The following LAMA4 variants were observed in gnomAD, a reference collection of about 807,000 sequenced individuals.
The protein encoded by LAMA4 is laminin subunit alpha 4.
A neutral mutation model predicts 207.1 loss-of-function variants in LAMA4; 127 were observed. The observed-to-expected ratio is 0.61, with a 90% confidence interval of 0.53 to 0.71. The LOEUF (loss-of-function observed/expected upper bound fraction) is 0.71. Among genes scored for constraint, LAMA4 ranks in the 30% least tolerant of loss-of-function variants. The pLI, the probability that LAMA4 is intolerant of heterozygous loss-of-function variation, is 0.00. For missense variants in LAMA4, 2,093 were observed against 2,246.5 expected (o/e 0.93, Z 1.38); for synonymous variants, 761 against 816.0 (o/e 0.93, Z 1.15).
intron 2 of LAMA4, 146 bp from the exon 3 acceptor site, chr6:112,216,615 A>G: frequency 1.5e-6 from 1 of 683,462 alleles, no homozygotes; most frequent in Non-Finnish European, 2.7e-6. Flanking sequence ...AAAACATACT[A>G]AAATAAACTA....
At chr6:112,216,689 C>T (rs1270172558) in intron 2 of LAMA4, 6 of 541,230 alleles carry the variant, frequency 1.1e-5, no homozygotes, top group Non-Finnish European at 2.0e-5. Flanking sequence ...AACTTTTTCC[C>T]TCCTTTCACT....
At position 112,118,718 on chromosome 6, in the gene LAMA4, T is replaced by C. The variant is rs990142616; in HGVS notation, c.4821+438A>G. Among the ~76,000 whole-genome samples, 1 of 103,046 alleles carries C rather than the reference T, an allele frequency of 9.7e-6. No homozygotes were observed. Among genetic ancestry groups the C allele is most frequent in the Non-Finnish European group, 1.9e-5 (1 of 51,370 alleles). The allele number at this position is 103,046 out of a possible 152,430, so 67.6% of individuals were successfully genotyped here. On this transcript the variant is annotated intron_variant, in intron 34 of 38. Transcript: ENST00000230538. The surrounding 1 kb of genome is among the most constrained non-coding windows in gnomAD (Gnocchi z 4.6). ...CATTTACAAATTGTGTGTGTGTGTG[T>C]GTATGTGTGTGTGTGTGTGTGTGTG...
intron 2 of LAMA4, among the ~76,000 whole-genome samples, chr6:112,226,085 ACTATTTAGTTCAGGATC>A (rs1785192559): frequency 6.6e-6 from 1 of 151,678 alleles, no homozygotes; most frequent in African/African-American, 2.4e-5. Flanking sequence ...TCCCAATACC[ACTATTTAGTTCAGGATC>A]TTGGTGTTTC....
At chr6:112,172,219 A>G (rs534086477) in intron 12 of LAMA4, 116 of 245,054 alleles carry the variant, frequency 4.7e-4, no homozygotes, top group Admixed American at 4.1e-3. Context: ...CTGACCAGCC[A>G]GACTGTGAGA....
At chr6:112,126,100 T>C (rs1209473032) in intron 31 of LAMA4, among the ~76,000 whole-genome samples, 6 of 152,228 alleles carry the variant, frequency 3.9e-5, no homozygotes, top group Non-Finnish European at 8.8e-5. Context: ...GTTAACAAGT[T>C]TCCTATAATA....
Position 112,248,092 on chromosome 6 carries a change from G to A in LAMA4, c.195+5864C>T, listed in dbSNP as rs975371757. On this transcript the variant is annotated intron_variant, in intron 2 of 38. Transcript: ENST00000230538. The stretch of plus-strand genomic sequence containing the variant: ...CAGGGGCTGGAGGAAGGAGTTAATC[G>A]GAAGTTATCATTTAATGGGTTTCAG... Among the ~76,000 whole-genome samples, 5 of 152,164 alleles carry A rather than the reference G, an allele frequency of 3.3e-5. No individual in the cohort carries two copies. The South Asian group carries it at 1.0e-3, about 32-fold the overall frequency.
chr6:112,110,582 C>T (rs1435201681), intron 38 of LAMA4, among the ~76,000 whole-genome samples: 1 of 152,076 alleles, frequency 6.6e-6, no homozygotes, highest in African/African-American at 2.4e-5. Flanking sequence ...TTGGAAGGGG[C>T]CTGAGAGATC....
At chr6:112,115,006 A>C (rs587770536) in intron 36 of LAMA4, among the ~76,000 whole-genome samples, 1 of 152,302 alleles carries the variant, frequency 6.6e-6, no homozygotes, top group African/African-American at 2.4e-5. Flanking sequence ...AAATAGAATA[A>C]ATCCCTTTAA....
intron 31 of LAMA4, among the ~76,000 whole-genome samples, chr6:112,125,674 C>T (rs969139): frequency 0.46 from 69,960 of 152,050 alleles, 16,617 homozygotes; most frequent in South Asian, 0.68. Flanking sequence ...AAGCAATTTG[C>T]CTTGATTCAG....
In LAMA4 at chr6:112,120,347, T is replaced by C. The variant is rs782057429; in HGVS notation, c.4601A>G (p.Asn1534Ser). ...AATCTTCAGTTTTTTGTGACCAACA[T>C]TAAACATGTAAACCAAGCGGCCATG... ...LAHGRLVYMF[N>S]VGHKKLKIRS... The change falls in exon 33 of 39, where the codon AAT (asparagine) becomes AGT (serine). Residue 1534 changes from asparagine (N) to serine (S), a missense_variant. Asn to Ser is a conservative substitution (Grantham distance 46). This residue lies in a region of LAMA4 where 383 missense variants were observed against 437.8 expected (regional missense o/e 0.87). Transcript: ENST00000230538. 1.1e-5 allele frequency: 17 copies of C among 1,613,946 alleles called. No individual in the cohort carries two copies. Among genetic ancestry groups the C allele is most frequent in the Non-Finnish European group, 1.4e-5 (17 of 1,179,992 alleles).
chr6:112,134,873 A>ATTGT (rs1342545798), intron 25 of LAMA4, among the ~76,000 whole-genome samples: 3 of 152,060 alleles, frequency 2.0e-5, no homozygotes, highest in African/African-American at 7.2e-5. Flanking sequence ...GATTAGACCT[A>ATTGT]TTGTTTCCTC....
intron 7 of LAMA4, among the ~76,000 whole-genome samples, chr6:112,187,938 G>A (rs182152110): frequency 1.3e-5 from 2 of 152,264 alleles, no homozygotes; most frequent in South Asian, 2.1e-4. Context: ...TGAGGTTATC[G>A]CTGCGAGAGT....
At chr6:112,205,934 G>A (rs141289606) in intron 4 of LAMA4, among the ~76,000 whole-genome samples, 1 of 152,162 alleles carries the variant, frequency 6.6e-6, no homozygotes, top group Admixed American at 6.5e-5. Context: ...GGGGGCTTCC[G>A]GTTGGTGACA....
At chr6:112,120,517 G>A (rs781872757) in intron 32 of LAMA4, 45 bp from the exon 33 acceptor site, 1 of 1,424,762 alleles carries the variant, frequency 7.0e-7, no homozygotes, top group Non-Finnish European at 9.9e-7. Context: ...AAATGAGACT[G>A]AGGATAATCT....
intron 13 of LAMA4, among the ~76,000 whole-genome samples, chr6:112,163,336 T>A (rs1320674201): frequency 6.7e-6 from 1 of 149,626 alleles, no homozygotes; most frequent in African/African-American, 2.5e-5. Flanking sequence ...TAAAAAAAAA[T>A]TAAAAACAAA....
At chr6:112,191,590 G>A (rs782635296) in intron 6 of LAMA4, 46 bp downstream of exon 6, 1 of 1,360,044 alleles carries the variant, frequency 7.4e-7, no homozygotes, top group African/African-American at 1.4e-5. Context: ...TATTGGCAGA[G>A]GGTCATGCTG....
rs782340541 is a variant in LAMA4, at chr6:112,122,083, G to C, written c.4406C>G (p.Ala1469Gly). 2.5e-6 allele frequency: 4 copies of C among 1,613,800 alleles called. No homozygotes were observed. The highest frequency in any genetic ancestry group is 3.4e-6 in the Non-Finnish European group (4 of 1,179,918). ...GTTGGCTGTTCCTCCATATTGATAG[G>C]CGTGCTCTATTGCTCTAGGGCTGTT... ...LSNSPRAIEH[A>G]YQYGGTANSR... Residue 1469 changes from alanine to glycine, a missense_variant, in exon 32 of 39, where the codon GCC becomes GGC. Physicochemically the swap from Ala to Gly is moderately conservative, Grantham distance 60. Coordinates refer to ENST00000230538, the MANE Select transcript of LAMA4 (RefSeq NM_001105206.3).
Position 112,191,630 on chromosome 6 carries a change from C to A in LAMA4, c.718+6G>T, listed in dbSNP as rs782180015. ...GGCAGCTGGCTTAGTATTTATGATA[C>A]TGCACCTGCACAGTTCTTGGCTATC... is the stretch of plus-strand genomic sequence containing the variant. On this transcript the variant is annotated splice_donor_region_variant and intron_variant, in intron 6 of 38. Transcript: ENST00000230538. The A allele has an allele frequency of 6.8e-6, 11 of 1,607,214 alleles. No individual in the cohort carries two copies. In the Admixed American group the frequency reaches 1.8e-4, roughly 27 times the overall value.
At chr6:112,164,912 C>G (rs1781294325) in intron 13 of LAMA4, among the ~76,000 whole-genome samples, 1 of 152,134 alleles carries the variant, frequency 6.6e-6, no homozygotes, top group Admixed American at 6.5e-5. Flanking sequence ...CTGCTGAGGA[C>G]TTGAAAAGTG....
Sources: gnomAD v4.1 joint callset for allele counts (sites outside exome capture counted in the v4.1 genomes callset) on GRCh38, gnomAD v4.1.1 for gene constraint, gnomAD v4.1.1 regional missense constraint, Gnocchi (gnomAD v3.1) non-coding constraint, MANE v1.5 for transcripts, NCBI Gene and HGNC (gene_info 2026-07-23, HGNC 2026-07-21) for gene names.